The following ASAP1 variants were observed in gnomAD, a reference collection of about 807,000 sequenced individuals.
ASAP1 encodes arf-GAP with SH3 domain, ANK repeat and PH domain-containing protein 1.
ASAP1 carries 43 observed loss-of-function variants against 145.2 expected under a neutral mutation model. The observed-to-expected ratio is 0.30, with a 90% confidence interval of 0.23 to 0.38. The LOEUF is 0.38. ASAP1 is among the 10% of genes least tolerant of loss of function. ASAP1 has a pLI of 1.00. For missense variants in ASAP1, 1,018 were observed against 1,355.3 expected (o/e 0.75, Z 3.91); for synonymous variants, 546 against 515.5 (o/e 1.06, Z -0.80).
At chr8:130,106,787 T>C (rs1208833418) in intron 24 of ASAP1, among the ~76,000 whole-genome samples, 1 of 152,174 alleles carries the variant, frequency 6.6e-6, no homozygotes, top group African/African-American at 2.4e-5. Context: ...ACTTCCCTAA[T>C]CCTCTCTCTG....
chr8:130,173,836 G>A (rs944133921), intron 9 of ASAP1, among the ~76,000 whole-genome samples: 1 of 151,628 alleles, frequency 6.6e-6, no homozygotes, highest in Non-Finnish European at 1.5e-5. Context: ...ACTTTGGGAG[G>A]CCGAGATGGG....
At chr8:130,321,040 G>A (rs937123398) in intron 3 of ASAP1, among the ~76,000 whole-genome samples, 5 of 152,144 alleles carry the variant, frequency 3.3e-5, no homozygotes, top group Non-Finnish European at 7.4e-5. Context: ...GCTGGCTGAG[G>A]AAACCTAAGG....
At chr8:130,123,927 C>CA (rs34680836) in intron 18 of ASAP1, 86 bp downstream of exon 18, 226,582 of 829,562 alleles carry the variant, frequency 0.27, 5,664 homozygotes, top group East Asian at 0.39. Context: ...TGCACCCAGC[C>CA]AAAAAAAAAA....
rs561180447 is a variant in ASAP1 at position 130,231,973 on chromosome 8, C to T, written c.259+4949G>A. Among the ~76,000 whole-genome samples, 6 of 152,326 alleles carry T rather than the reference C, an allele frequency of 3.9e-5. No individual in the cohort carries two copies. In the East Asian group the frequency reaches 1.2e-3, roughly 29 times the overall value. ...AGATGTCTGCCAGGGCTGCAGTCAC[C>T]TGAAAGTTTGACTGGGGTTAGATTT... On this transcript the variant is annotated intron_variant, in intron 4 of 29. Transcript: ENST00000518721.
chr8:130,300,186 A>AGAGAGAGAGAGAGAGAGAGAGAGC (rs1565186230), intron 3 of ASAP1, among the ~76,000 whole-genome samples: 1 of 146,026 alleles, frequency 6.8e-6, no homozygotes, highest in African/African-American at 2.6e-5. Context: ...AGAGAGAGAG[A>AGAGAGAGAGAGAGAGAGAGAGAGC]GCGAGCGAGC....
In ASAP1 at chr8:130,058,033, T is replaced by C. The variant is rs1365511495; in HGVS notation, c.3236A>G (p.Gln1079Arg). 3 of 1,614,116 alleles carry C rather than the reference T, an allele frequency of 1.9e-6. No homozygotes were observed. The highest frequency in any genetic ancestry group is 2.5e-6 in the Non-Finnish European group (3 of 1,180,032). ...TGTGAGCTCGTCATCGTTGTCTGCC[T>C]GGCAGTCATAAATGGTCTTCACTCG... ...VRRVKTIYDC[Q>R]ADNDDELTFI... Residue 1079 changes from glutamine (Q) to arginine (R), a missense_variant, in exon 29 of 30, where the codon CAG becomes CGG. Coordinates refer to ENST00000518721, the MANE Select transcript of ASAP1 (RefSeq NM_018482.4).
At chr8:130,171,274 A>G (rs2136103586) in intron 9 of ASAP1, among the ~76,000 whole-genome samples, 1 of 151,820 alleles carries the variant, frequency 6.6e-6, no homozygotes, top group East Asian at 1.9e-4. Context: ...TCCCCTCTAT[A>G]CCTGTGTAGT....
chr8:130,238,943 T>C (rs1370242356), intron 3 of ASAP1, among the ~76,000 whole-genome samples: 3 of 152,168 alleles, frequency 2.0e-5, no homozygotes, highest in Non-Finnish European at 2.9e-5. Flanking sequence ...CCATATCTTA[T>C]CACATCCACT....
chr8:130,074,327 A>G (rs1321622048), intron 27 of ASAP1, among the ~76,000 whole-genome samples: 1 of 152,184 alleles, frequency 6.6e-6, no homozygotes, highest in African/African-American at 2.4e-5. Context: ...TAAACTGTTA[A>G]GTGCTGGAAT....
In ASAP1 at chr8:130,061,089, C is replaced by T. The variant is rs2097418555; in HGVS notation, c.2702-20G>A. 6.6e-7 allele frequency: 1 copy of T among 1,519,954 alleles called. No homozygotes were observed. The highest frequency in any genetic ancestry group is 8.8e-7 in the Non-Finnish European group (1 of 1,137,294). The allele number at this position is 1,519,954 out of a possible 1,614,324, so 94.2% of individuals were successfully genotyped here. On this transcript the variant is annotated intron_variant, in intron 27 of 29. Transcript: ENST00000518721. ...GTGCCACTGTGGAAGCAATCAAAAA[C>T]AAGGAGGTCATTGGTGGGAAGGGCT...
At chr8:130,276,728 A>ACACACACACACACACACACTCT (rs548512902) in intron 3 of ASAP1, among the ~76,000 whole-genome samples, 1 of 87,316 alleles carries the variant, frequency 1.1e-5, no homozygotes, top group Non-Finnish European at 2.2e-5. Flanking sequence ...ACACACACAC[A>ACACACACACACACACACACTCT]CTCTCTCTCT....
At chr8:130,294,089 C>T (rs1049235197) in intron 3 of ASAP1, among the ~76,000 whole-genome samples, 14 of 152,174 alleles carry the variant, frequency 9.2e-5, no homozygotes, top group African/African-American at 2.7e-4. Flanking sequence ...AAACAAGCAA[C>T]GTTCCATACG....
At position 130,224,697 on chromosome 8, in the gene ASAP1, A is replaced by T. The variant is rs572772332; in HGVS notation, c.260-9996T>A. Reference sequence around the variant, plus strand: ...TAATATAAGTAAATCTAATTATTTTAACTGGGATATGTTCCATAATAAATA... The same window carrying T: ...TAATATAAGTAAATCTAATTATTTTTACTGGGATATGTTCCATAATAAATA... On this transcript the variant is annotated intron_variant, in intron 4 of 29. Transcript: ENST00000518721. Among the ~76,000 whole-genome samples the T allele has an allele frequency of 7.2e-5, 11 of 152,216 alleles. No individual in the cohort carries two copies. In the South Asian group the frequency reaches 8.3e-4, roughly 11 times the overall value.
chr8:130,073,913 G>C (rs2097455880), intron 27 of ASAP1, among the ~76,000 whole-genome samples: 1 of 152,148 alleles, frequency 6.6e-6, no homozygotes, highest in African/African-American at 2.4e-5. Context: ...TAGGAAATAT[G>C]ACAGGCAGGG....
chr8:130,140,344 A>ATTTC (rs1208012216), intron 13 of ASAP1, among the ~76,000 whole-genome samples: 11 of 150,568 alleles, frequency 7.3e-5, no homozygotes, highest in South Asian at 6.3e-4. Context: ...CTCAGCTCTC[A>ATTTC]TTTCTTTCTT....
intron 27 of ASAP1, among the ~76,000 whole-genome samples, chr8:130,066,586 TTC>T (rs368228049): frequency 6.6e-5 from 10 of 151,820 alleles, no homozygotes; most frequent in Non-Finnish European, 8.8e-5. Context: ...TCTTTCTTTC[TTC>T]TCTCTCTCTC....
chr8:130,390,241 A>T (rs1312185500), intron 2 of ASAP1, among the ~76,000 whole-genome samples: 1 of 152,220 alleles, frequency 6.6e-6, no homozygotes, highest in African/African-American at 2.4e-5. Flanking sequence ...CCCTAAAATT[A>T]TATGAACTTT....
At chr8:130,335,944 C>T (rs1289641548) in intron 3 of ASAP1, among the ~76,000 whole-genome samples, 2 of 152,114 alleles carry the variant, frequency 1.3e-5, no homozygotes, top group African/African-American at 4.8e-5. Context: ...GAACTCCAAG[C>T]AACTTAATGG....
At chr8:130,218,754 G>A (rs1284043341) in intron 4 of ASAP1, among the ~76,000 whole-genome samples, 1 of 152,096 alleles carries the variant, frequency 6.6e-6, no homozygotes, top group East Asian at 1.9e-4. Flanking sequence ...GAAATGTGAC[G>A]TGAGTGAGGC....
Sources: allele counts gnomAD v4.1 joint callset (sites outside exome capture counted in the v4.1 genomes callset), GRCh38; gene constraint gnomAD v4.1.1; transcripts MANE v1.5; gene names NCBI Gene and HGNC (gene_info 2026-07-23, HGNC 2026-07-21).